Variants in CSMD1 observed in about 807,000 individuals in gnomAD.
The protein encoded by CSMD1 is CUB and sushi domain-containing protein 1.
A neutral mutation model predicts 417.5 loss-of-function variants in CSMD1; 213 were observed. The observed-to-expected ratio is 0.51, with a 90% CI of 0.46 to 0.57. The LOEUF (loss-of-function observed/expected upper bound fraction) is 0.57. CSMD1 is among the 20% of genes least tolerant of loss of function. The probability of loss-of-function intolerance (pLI) is 0.00; values close to 1 mark genes in which losing one functional copy is unlikely to be tolerated. For missense variants in CSMD1, 6,923 were observed against 4,529.7 expected, an observed-to-expected ratio of 1.53 and a Z score of -15.17; for synonymous variants, 2,862 against 1,736.8, an observed-to-expected ratio of 1.65 and a Z score of -16.11.
At chr8:4,371,278 G>A (rs771019291) in intron 3 of CSMD1, among the ~76,000 whole-genome samples, 13 of 152,106 alleles carry the variant, frequency 8.5e-5, no homozygotes, top group Non-Finnish European at 1.5e-4. Flanking sequence ...CCTTGAGGAT[G>A]CGCCTCTGCT....
chr8:4,828,950 T>C (rs1401691068), intron 1 of CSMD1, among the ~76,000 whole-genome samples: 1 of 152,208 alleles, frequency 6.6e-6, no homozygotes, highest in African/African-American at 2.4e-5. Context: ...ACCATAGAGC[T>C]AGTAATTCCT....
chr8:3,865,710 A>T (rs929888613), intron 5 of CSMD1, among the ~76,000 whole-genome samples: 6 of 152,186 alleles, frequency 3.9e-5, no homozygotes, highest in East Asian at 1.9e-4. Flanking sequence ...CAGTAAATAC[A>T]ACAACAAAAT....
chr8:3,433,877 C>A (rs1234130013), intron 12 of CSMD1, among the ~76,000 whole-genome samples: 1 of 152,202 alleles, frequency 6.6e-6, no homozygotes, highest in African/African-American at 2.4e-5. Flanking sequence ...CCTGCTTCAA[C>A]TTCTGGTTAA....
intron 3 of CSMD1, among the ~76,000 whole-genome samples, chr8:4,221,156 G>T (rs1801008050): frequency 6.6e-6 from 1 of 152,290 alleles, no homozygotes; most frequent in African/African-American, 2.4e-5. Context: ...GAATATCACT[G>T]AAGCTCCATC....
Position 3,433,235 on chromosome 8 carries a change from G to A in CSMD1, c.1562-23630C>T, listed in dbSNP as rs1432003325. On this transcript the variant is annotated intron_variant, in intron 12 of 69. Transcript: ENST00000635120. ...CTACAGTTGTTGACATAGAGATGTA[G>A]TTACTTTTCTGTTTCTTCAAAATTC... Among the ~76,000 whole-genome samples the A allele has an allele frequency of 3.3e-5, 5 of 152,168 alleles. No individual in the cohort carries two copies. In the South Asian group the frequency reaches 8.3e-4, roughly 25 times the overall value.
intron 2 of CSMD1, among the ~76,000 whole-genome samples, chr8:4,625,476 C>T (rs2130826436): frequency 6.6e-6 from 1 of 152,030 alleles, no homozygotes; most frequent in Middle Eastern, 3.4e-3. Flanking sequence ...ATCGTAAATA[C>T]TCTGAATGAA....
intron 2 of CSMD1, among the ~76,000 whole-genome samples, chr8:4,559,744 C>T (rs999239428): frequency 6.6e-6 from 1 of 152,218 alleles, no homozygotes; most frequent in African/African-American, 2.4e-5. Context: ...TGTTATTTCA[C>T]AAATAGTGAG....
chr8:4,355,255 C>CAAAT (rs553325297), intron 3 of CSMD1, among the ~76,000 whole-genome samples: 10 of 151,466 alleles, frequency 6.6e-5, no homozygotes, highest in Admixed American at 2.6e-4. Context: ...AACTCCATTT[C>CAAAT]AAATAAATAA....
intron 4 of CSMD1, among the ~76,000 whole-genome samples, chr8:4,020,840 T>C (rs997060233): frequency 2.0e-5 from 3 of 152,250 alleles, no homozygotes; most frequent in Admixed American, 6.5e-5. Flanking sequence ...CTCACTCTTA[T>C]CTTTTGCCTA....
chr8:4,653,979 G>A (rs1413517361), intron 1 of CSMD1, among the ~76,000 whole-genome samples: 1 of 151,988 alleles, frequency 6.6e-6, no homozygotes, highest in Non-Finnish European at 1.5e-5. Flanking sequence ...ATTTACTCAT[G>A]ATTAGGTTCC....
chr8:3,549,121 C>T (rs1412043467), intron 10 of CSMD1, among the ~76,000 whole-genome samples: 1 of 152,192 alleles, frequency 6.6e-6, no homozygotes, highest in Non-Finnish European at 1.5e-5. Context: ...CAGATGCCCG[C>T]TTCCATGTTT....
At chr8:4,078,116 G>T (rs1003271618) in intron 3 of CSMD1, among the ~76,000 whole-genome samples, 2 of 151,998 alleles carry the variant, frequency 1.3e-5, no homozygotes, top group African/African-American at 4.8e-5. Flanking sequence ...TAATTTACAT[G>T]GAAAGTGCTA....
At chr8:4,364,193 T>A (rs563870802) in intron 3 of CSMD1, among the ~76,000 whole-genome samples, 4 of 152,196 alleles carry the variant, frequency 2.6e-5, no homozygotes, top group South Asian at 4.1e-4. Context: ...CCACAAAAAT[T>A]TAAAAAATAA....
chr8:3,214,256 A>C (rs1226753397), intron 30 of CSMD1, among the ~76,000 whole-genome samples: 1 of 152,174 alleles, frequency 6.6e-6, no homozygotes, highest in Non-Finnish European at 1.5e-5. Context: ...GAAGTGAAAA[A>C]TGTAAAACTG....
intron 5 of CSMD1, among the ~76,000 whole-genome samples, chr8:3,840,164 T>G (rs191965633): frequency 6.9e-4 from 105 of 152,300 alleles, no homozygotes; most frequent in Middle Eastern, 6.8e-3. Context: ...TTTCTCAACA[T>G]GCCTAAGCTA....
At chr8:3,346,553 G>A (rs1194243934) in intron 22 of CSMD1, among the ~76,000 whole-genome samples, 1 of 152,158 alleles carries the variant, frequency 6.6e-6, no homozygotes, top group African/African-American at 2.4e-5. Flanking sequence ...AGAACAACTA[G>A]AATAAAACCA....
intron 7 of CSMD1, among the ~76,000 whole-genome samples, chr8:3,667,845 G>C (rs769172255): frequency 7.9e-5 from 12 of 152,184 alleles, no homozygotes; most frequent in Non-Finnish European, 1.2e-4. Flanking sequence ...TGGAGTGTCT[G>C]TATGTTTAAT....
chr8:3,640,183 C>T (rs1399178847), intron 7 of CSMD1, among the ~76,000 whole-genome samples: 1 of 152,130 alleles, frequency 6.6e-6, no homozygotes, highest in African/African-American at 2.4e-5. Context: ...GAAGCTGGTG[C>T]AGGGATATTG....
intron 49 of CSMD1, among the ~76,000 whole-genome samples, chr8:3,085,346 C>T (rs891882146): frequency 3.3e-5 from 5 of 152,200 alleles, no homozygotes; most frequent in Non-Finnish European, 7.3e-5. Flanking sequence ...TAGAAAGTCA[C>T]AGATCTGTTT....
Sources: gnomAD v4.1 joint callset for allele counts (sites outside exome capture counted in the v4.1 genomes callset) on GRCh38, gnomAD v4.1.1 for gene constraint, MANE v1.5 for transcripts, NCBI Gene and HGNC (gene_info 2026-07-23, HGNC 2026-07-21) for gene names.